GALNT11: variants seen among roughly 807,000 people sequenced by gnomAD.
The protein encoded by GALNT11 is UDP-GalNAc:polypeptide N-acetylgalactosaminyltransferase 11.
A neutral mutation model predicts 72.7 loss-of-function variants in GALNT11; 47 were observed. That is an observed-to-expected ratio of 0.65 (90% CI 0.51 to 0.82). The LOEUF is 0.82. GALNT11 is among the 40% of genes least tolerant of loss of function. The pLI is 0.00. For synonymous variants in GALNT11, 270 were observed against 286.6 expected (o/e 0.94, Z 0.58); for missense variants, 677 against 778.4 (o/e 0.87, Z 1.55).
At chr7:152,113,976 C>T (rs1381699567) in intron 8 of GALNT11, among the ~76,000 whole-genome samples, 1 of 151,282 alleles carries the variant, frequency 6.6e-6, no homozygotes, top group Admixed American at 6.6e-5. Context: ...GTTGCCCAGG[C>T]TGGTCTTGAG....
intron 1 of GALNT11, among the ~76,000 whole-genome samples, chr7:152,084,887 G>T (rs576266479): frequency 1.1e-4 from 17 of 152,292 alleles, no homozygotes; most frequent in African/African-American, 4.1e-4. Flanking sequence ...CAAATTGTCT[G>T]TTGGGATATC....
At position 152,103,148 on chromosome 7, in the gene GALNT11, T is replaced by C; in HGVS notation, c.456T>C (p.Ala152=). The change falls in exon 4 of 12, where the codon GCT becomes GCC. Residue 152 remains alanine (A), a synonymous_variant. Coordinates refer to ENST00000430044, the MANE Select transcript of GALNT11 (RefSeq NM_022087.4). ...KEKFYPPDLP[A]ASVVICFYNE... is the part of the protein sequence containing the mutation. Reference sequence around the variant, plus strand: ...AGTTCTACCCACCTGACCTGCCAGCTGCTAGTGTTGTTATCTGTTTCTATA... The same window carrying C: ...AGTTCTACCCACCTGACCTGCCAGCCGCTAGTGTTGTTATCTGTTTCTATA... 6.2e-7 allele frequency: 1 copy of C among 1,610,892 alleles called. No homozygotes were observed. Among genetic ancestry groups the C allele is most frequent in the Non-Finnish European group, 8.5e-7 (1 of 1,178,018 alleles).
intron 1 of GALNT11, among the ~76,000 whole-genome samples, chr7:152,032,459 G>C (rs1031967068): frequency 6.6e-6 from 1 of 152,190 alleles, no homozygotes; most frequent in Non-Finnish European, 1.5e-5. Context: ...AGGAATTACT[G>C]CCTCACTGAT....
chr7:152,037,865 T>C (rs1052937100), intron 1 of GALNT11, among the ~76,000 whole-genome samples: 11 of 152,108 alleles, frequency 7.2e-5, no homozygotes, highest in Non-Finnish European at 1.3e-4. Flanking sequence ...ACCTCCTGGG[T>C]TCGCATGATT....
At chr7:152,087,191 C>T (rs1378302417) in intron 1 of GALNT11, among the ~76,000 whole-genome samples, 4 of 152,028 alleles carry the variant, frequency 2.6e-5, no homozygotes, top group African/African-American at 7.3e-5. Context: ...ATTATGTATA[C>T]GTAAGAAGGT....
Position 152,113,428 on chromosome 7 carries a change from G to GA in GALNT11, c.1233+32dup, listed in dbSNP as rs1254039604. ...GATGAAATTTCTTGTTTAGAAGGAT[G>GA]AATGATAGGCCGGCAGTGACTGGCC... On this transcript the variant is annotated intron_variant, in intron 8 of 11. Coordinates refer to ENST00000430044, the MANE Select transcript of GALNT11 (RefSeq NM_022087.4). 2.5e-6 allele frequency: 4 copies of GA among 1,610,044 alleles called. No homozygotes were observed. The South Asian group carries it at 4.4e-5, about 18-fold the overall frequency.
At position 152,122,288 on chromosome 7, in the gene GALNT11, ATTATT is replaced by A. The variant is rs2089476393; in HGVS notation, c.*614_*618del. ...AGACAGTATGGCAGTTAATTATAAAATTATTTTGATGAATTATGATACAATCTACA... is the reference window on the plus strand; with the variant it reads ...AGACAGTATGGCAGTTAATTATAAAATTGATGAATTATGATACAATCTACA... On this transcript the variant is annotated 3_prime_UTR_variant, in exon 12 of 12. Transcript: ENST00000430044. 6.6e-6 allele frequency: 1 copy of A among 152,242 alleles called. No homozygotes were observed. The highest frequency in any genetic ancestry group is 6.5e-5 in the Admixed American group (1 of 15,284). The allele number at this position is 152,242 out of a possible 1,614,324, so 9.4% of individuals were successfully genotyped here.
intron 1 of GALNT11, among the ~76,000 whole-genome samples, chr7:152,040,041 A>G (rs528277055): frequency 2.0e-5 from 3 of 152,124 alleles, no homozygotes; most frequent in African/African-American, 4.8e-5. Flanking sequence ...TCTTTCCACT[A>G]TGGCTTGTCC....
chr7:152,055,177 T>C (rs892176864), intron 1 of GALNT11, among the ~76,000 whole-genome samples: 7 of 152,128 alleles, frequency 4.6e-5, no homozygotes, highest in Admixed American at 4.6e-4. Flanking sequence ...ATTTAACTAT[T>C]CTTTAAAGAC....
At chr7:152,055,567 G>A (rs12703192) in intron 1 of GALNT11, among the ~76,000 whole-genome samples, 39,134 of 120,202 alleles carry the variant, frequency 0.33, 5,519 homozygotes, top group African/African-American at 0.4. Context: ...GTGTGTGTGT[G>A]TATATATACA....
At chr7:152,037,790 A>G (rs111743535) in intron 1 of GALNT11, among the ~76,000 whole-genome samples, 104 of 151,030 alleles carry the variant, frequency 6.9e-4, no homozygotes, top group African/African-American at 1.6e-3. Context: ...CTTCCTTTTG[A>G]GAGAGTCTTG....
In GALNT11 at chr7:152,121,921, T is replaced by A. The variant is rs1028586487; in HGVS notation, c.*244T>A. On this transcript the variant is annotated 3_prime_UTR_variant, in exon 12 of 12. Coordinates refer to ENST00000430044, the MANE Select transcript of GALNT11 (RefSeq NM_022087.4). ...GGTGAAGAAGTGAGTATGTTTCACC[T>A]GGACATTAAGGTGATGTTTGAGCTG... The A allele has an allele frequency of 9.5e-6, 4 of 419,618 alleles. No individual in the cohort carries two copies. The highest frequency in any genetic ancestry group is 1.7e-5 in the Non-Finnish European group (4 of 235,834). The allele number at this position is 419,618 out of a possible 1,614,324, so 26.0% of individuals were successfully genotyped here.
At chr7:152,051,404 G>A (rs965165223) in intron 1 of GALNT11, among the ~76,000 whole-genome samples, 1 of 151,584 alleles carries the variant, frequency 6.6e-6, no homozygotes, top group African/African-American at 2.4e-5. Flanking sequence ...AAATATCAAG[G>A]CCCCCACCCT....
In GALNT11 at chr7:152,113,319, C is replaced by T; in HGVS notation, c.1154C>T (p.Pro385Leu). ...GGACACATTTTCCGAAAAAGGCGAC[C>T]ATATGGATCTCCCGAAGGCCAGGAC... is the stretch of plus-strand genomic sequence containing the variant. ...RVGHIFRKRRPYGSPEGQDTM... is the reference protein window; with the variant it reads ...RVGHIFRKRRLYGSPEGQDTM... Residue 385 changes from proline to leucine, a missense_variant, in exon 8 of 12, where the codon CCA becomes CTA. Physicochemically the swap from Pro to Leu is moderately conservative, Grantham distance 98. Coordinates refer to ENST00000430044, the MANE Select transcript of GALNT11 (RefSeq NM_022087.4). 6.2e-7 allele frequency: 1 copy of T among 1,614,138 alleles called. No homozygotes were observed. Among genetic ancestry groups the T allele is most frequent in the South Asian group, 1.1e-5 (1 of 91,066 alleles).
chr7:152,093,479 A>T (rs1014015003), intron 1 of GALNT11, among the ~76,000 whole-genome samples: 1 of 152,030 alleles, frequency 6.6e-6, no homozygotes, highest in Non-Finnish European at 1.5e-5. Context: ...AGGCCAGAGT[A>T]CAGTGGTGCA....
At chr7:152,061,095 G>A (rs542860375) in intron 1 of GALNT11, among the ~76,000 whole-genome samples, 18 of 152,134 alleles carry the variant, frequency 1.2e-4, no homozygotes, top group Non-Finnish European at 1.8e-4. Flanking sequence ...CACCAACAGT[G>A]TAAAAGTGTT....
intron 9 of GALNT11, 155 bp downstream of exon 9, chr7:152,117,530 T>TGCGTAGAGAATTA: frequency 1.4e-6 from 1 of 723,204 alleles, no homozygotes; most frequent in South Asian, 1.9e-5. Context: ...TATGGGAACT[T>TGCGTAGAGAATTA]CTCTACGCAA....
At chr7:152,064,648 G>C (rs1017102238) in intron 1 of GALNT11, among the ~76,000 whole-genome samples, 1 of 152,190 alleles carries the variant, frequency 6.6e-6, no homozygotes, top group Admixed American at 6.5e-5. Context: ...GGGCAGGCCT[G>C]ATGGTGACAA....
At position 152,068,888 on chromosome 7, in the gene GALNT11, C is replaced by T. The variant is rs548286453; in HGVS notation, c.-38-25302C>T. ...TTTTAATTTTTTAATTTTTAATTTT[C>T]TAGTAAGTTCATGTCAGACAAGTAA... On this transcript the variant is annotated intron_variant, in intron 1 of 11. Transcript: ENST00000430044. 2.7e-5 allele frequency among the ~76,000 whole-genome samples: 4 copies of T among 150,708 alleles called. No homozygotes were observed. The South Asian group carries it at 8.4e-4, about 32-fold the overall frequency.
Sources: gnomAD v4.1 joint callset for allele counts (sites outside exome capture counted in the v4.1 genomes callset) on GRCh38, gnomAD v4.1.1 for gene constraint, MANE v1.5 for transcripts, NCBI Gene and HGNC (gene_info 2026-07-23, HGNC 2026-07-21) for gene names.